The following CCM2 variants were observed in gnomAD, a reference collection of about 807,000 sequenced individuals.
CCM2 encodes the protein cerebral cavernous malformations 2 protein.
A neutral mutation model predicts 44.9 loss-of-function variants in CCM2; 25 were observed. The observed-to-expected ratio is 0.56, with a 90% CI of 0.41 to 0.78. The LOEUF is 0.78. Among genes scored for constraint, CCM2 ranks in the 30% least tolerant of loss-of-function variants. The probability of loss-of-function intolerance (pLI) is 0.00; values close to 1 mark genes in which losing one functional copy is unlikely to be tolerated. For missense variants in CCM2, 481 were observed against 580.6 expected, an observed-to-expected ratio of 0.83 and a Z score of 1.76; for synonymous variants, 219 against 241.1, an observed-to-expected ratio of 0.91 and a Z score of 0.85.
intron 1 of CCM2, among the ~76,000 whole-genome samples, chr7:45,031,072 T>C (rs896292973): frequency 3.3e-5 from 5 of 152,078 alleles, no homozygotes; most frequent in Admixed American, 3.3e-4. Flanking sequence ...TTTTCTTTCT[T>C]TTTTTAGATT....
intron 2 of CCM2, among the ~76,000 whole-genome samples, chr7:45,055,025 A>G (rs897929977): frequency 6.6e-6 from 1 of 152,266 alleles, no homozygotes; most frequent in Non-Finnish European, 1.5e-5. Context: ...CAAATGAGTA[A>G]AGATTCATCC....
Position 45,000,294 on chromosome 7 carries a change from G to A in CCM2, c.-40G>A, listed in dbSNP as rs1795535901. ...AGCGGCTGCTGGCGGCGGGGCTCCC[G>A]GGGCGGGCCGGGCGGGCCGCGGGAG... On this transcript the variant is annotated 5_prime_UTR_variant, in exon 1 of 10. Coordinates refer to ENST00000258781, the MANE Select transcript of CCM2 (RefSeq NM_031443.4). 8.2e-7 allele frequency: 1 copy of A among 1,226,364 alleles called. No homozygotes were observed. Among genetic ancestry groups the A allele is most frequent in the Non-Finnish European group, 1.0e-6 (1 of 978,320 alleles). 76.0% of individuals were successfully genotyped at this position (1,226,364 alleles called of 1,614,324 possible). A position where few individuals can be genotyped will look rare whatever the true frequency, so the allele number is the denominator to read the frequency against.
intron 1 of CCM2, among the ~76,000 whole-genome samples, chr7:45,025,624 C>T (rs953065047): frequency 7.9e-5 from 12 of 151,916 alleles, no homozygotes; most frequent in African/African-American, 2.7e-4. Context: ...ACCTCCGCCT[C>T]CTGGGTTCAA....
At chr7:45,034,292 A>G (rs1199126862) in intron 1 of CCM2, among the ~76,000 whole-genome samples, 1 of 151,290 alleles carries the variant, frequency 6.6e-6, no homozygotes, top group African/African-American at 2.4e-5. Context: ...GCTCACTGCA[A>G]CCTCTGCCTC....
At chr7:45,042,749 A>G (rs1396209039) in intron 2 of CCM2, among the ~76,000 whole-genome samples, 2 of 152,166 alleles carry the variant, frequency 1.3e-5, no homozygotes, top group East Asian at 1.9e-4. Flanking sequence ...CCAATATGAA[A>G]TAGATCATTT....
At chr7:45,037,574 C>T (rs1237470908) in intron 1 of CCM2, among the ~76,000 whole-genome samples, 1 of 151,976 alleles carries the variant, frequency 6.6e-6, no homozygotes, top group African/African-American at 2.4e-5. Flanking sequence ...TGTGCCACCA[C>T]ACCTGGCTAA....
chr7:45,027,256 C>G, intron 1 of CCM2: 1 of 291,374 alleles, frequency 3.4e-6, no homozygotes, highest in Non-Finnish European at 6.7e-6. Flanking sequence ...TGTTTCCACC[C>G]TTCGTATGAG....
At chr7:45,003,342 C>T (rs114090108) in intron 1 of CCM2, among the ~76,000 whole-genome samples, 16,581 of 152,126 alleles carry the variant, frequency 0.11, 1,485 homozygotes, top group African/African-American at 0.24. Context: ...TCCCAAGGTG[C>T]TGGGTGGCTG....
rs576751678 is a variant in CCM2, at chr7:45,009,220, G to GAA, written c.30+8858_30+8859dup. On this transcript the variant is annotated intron_variant, in intron 1 of 9. Transcript: ENST00000258781. ...AGAGGCTGAGGCAGGAGAATCGCTT[G>GAA]AACCCGGGAGGCAGAGGTTGCTGTG... Among the ~76,000 whole-genome samples the GAA allele has an allele frequency of 8.3e-4, 123 of 147,378 alleles. No individual in the cohort carries two copies. In the Middle Eastern group the frequency reaches 0.025, roughly 30 times the overall value.
intron 2 of CCM2, among the ~76,000 whole-genome samples, chr7:45,050,827 G>T (rs2128739410): frequency 6.6e-6 from 1 of 152,220 alleles, no homozygotes; most frequent in East Asian, 1.9e-4. Flanking sequence ...GTCTTCAATT[G>T]GTTCTCTTGC....
chr7:45,018,708 G>A (rs945115974), intron 1 of CCM2, among the ~76,000 whole-genome samples: 4 of 151,522 alleles, frequency 2.6e-5, no homozygotes, highest in Non-Finnish European at 5.9e-5. Flanking sequence ...CTCTTGAGAA[G>A]TTACCTGTCA....
At chr7:45,032,662 A>G (rs1441976340) in intron 1 of CCM2, among the ~76,000 whole-genome samples, 1 of 152,182 alleles carries the variant, frequency 6.6e-6, no homozygotes, top group Non-Finnish European at 1.5e-5. Context: ...CCAGATGCCT[A>G]GCCTGGTCCA....
chr7:45,073,091 C>T (rs1475804459), intron 7 of CCM2: 2 of 586,330 alleles, frequency 3.4e-6, no homozygotes, highest in South Asian at 2.0e-5. Context: ...AGGCGCTGGC[C>T]TTCCAGCCCA....
At chr7:45,053,303 C>G (rs1271311566) in intron 2 of CCM2, among the ~76,000 whole-genome samples, 2 of 152,240 alleles carry the variant, frequency 1.3e-5, no homozygotes, top group African/African-American at 2.4e-5. Context: ...CCCACGCAGG[C>G]TTGGTCTCTC....
chr7:45,013,065 C>CT (rs1481526758), intron 1 of CCM2, among the ~76,000 whole-genome samples: 1 of 151,898 alleles, frequency 6.6e-6, no homozygotes, highest in African/African-American at 2.4e-5. Context: ...TGCTTTCTTC[C>CT]TTTGTTTCTC....
rs529781368 is a variant in CCM2, at chr7:45,004,890, T to G, written c.30+4527T>G. 1.2e-4 allele frequency among the ~76,000 whole-genome samples: 18 copies of G among 151,268 alleles called. No individual in the cohort carries two copies. The South Asian group carries it at 3.8e-3, about 32-fold the overall frequency. On this transcript the variant is annotated intron_variant, in intron 1 of 9. Coordinates refer to ENST00000258781, the MANE Select transcript of CCM2 (RefSeq NM_031443.4). Reference sequence around the variant, plus strand: ...TGGGGCCTGTAATCCTAGCTACTTGTGAGGCTGAGGCAGGAGAATTGCTTG... The same window carrying G: ...TGGGGCCTGTAATCCTAGCTACTTGGGAGGCTGAGGCAGGAGAATTGCTTG...
chr7:45,005,395 A>G (rs979170912), intron 1 of CCM2, among the ~76,000 whole-genome samples: 8 of 152,244 alleles, frequency 5.3e-5, no homozygotes, highest in African/African-American at 1.9e-4. Flanking sequence ...TTTCAGAGGA[A>G]GATAGTGTAA....
intron 2 of CCM2, among the ~76,000 whole-genome samples, chr7:45,053,148 T>C (rs2128741306): frequency 6.6e-6 from 1 of 152,350 alleles, no homozygotes; most frequent in East Asian, 1.9e-4. Context: ...TCCCTAAGTA[T>C]GTGCATTGTC....
intron 1 of CCM2, among the ~76,000 whole-genome samples, chr7:45,000,789 C>T (rs1795581251): frequency 6.6e-6 from 1 of 152,134 alleles, no homozygotes; most frequent in African/African-American, 2.4e-5. Flanking sequence ...CACCTTATGG[C>T]CAGCTCACTC....
Sources: allele counts gnomAD v4.1 joint callset (sites outside exome capture counted in the v4.1 genomes callset), GRCh38; gene constraint gnomAD v4.1.1; transcripts MANE v1.5; gene names NCBI Gene and HGNC (gene_info 2026-07-23, HGNC 2026-07-21).